Variants in KCNB2 observed in about 807,000 individuals in gnomAD.
The protein encoded by KCNB2 is potassium voltage-gated channel subfamily B member 2.
Under a neutral mutation model 61.5 loss-of-function variants are expected in KCNB2, and 15 were observed. The ratio of observed to expected loss-of-function variants is 0.24; its 90% CI spans 0.16 to 0.38. The LOEUF is 0.38. Ranked by LOEUF, KCNB2 falls within the 10% of genes least tolerant of loss-of-function variation. The probability of loss-of-function intolerance (pLI) is 1.00; values close to 1 mark genes in which losing one functional copy is unlikely to be tolerated. For missense variants in KCNB2, 828 were observed against 1,125.2 expected (o/e 0.74, Z 3.78); for synonymous variants, 457 against 446.0 (o/e 1.02, Z -0.31).
intron 2 of KCNB2, among the ~76,000 whole-genome samples, chr8:72,591,140 T>C (rs1807092565): frequency 6.6e-6 from 1 of 152,174 alleles, no homozygotes; most frequent in Non-Finnish European, 1.5e-5. Flanking sequence ...TGAAAATCTC[T>C]TGTAACTGTA....
intron 2 of KCNB2, among the ~76,000 whole-genome samples, chr8:72,868,605 A>G (rs1332228996): frequency 6.6e-6 from 1 of 151,896 alleles, no homozygotes; most frequent in East Asian, 1.9e-4. Context: ...AAAAACCCCA[A>G]AACAAACCAA....
intron 1 of KCNB2, among the ~76,000 whole-genome samples, chr8:72,541,177 A>G (rs1261411745): frequency 1.3e-5 from 2 of 151,688 alleles, no homozygotes; most frequent in East Asian, 3.8e-4. Flanking sequence ...AAACAATAAA[A>G]ATAATAGTAA....
At chr8:72,639,460 A>G (rs1246459354) in intron 2 of KCNB2, among the ~76,000 whole-genome samples, 1 of 152,022 alleles carries the variant, frequency 6.6e-6, no homozygotes, top group East Asian at 1.9e-4. Context: ...AGACTTTTCT[A>G]CCTCTGGCTG....
chr8:72,575,338 A>T (rs1806779343), intron 2 of KCNB2, among the ~76,000 whole-genome samples: 1 of 145,988 alleles, frequency 6.8e-6, no homozygotes, highest in African/African-American at 2.5e-5. Context: ...CATACTATTG[A>T]TTAGCATTGT....
intron 2 of KCNB2, among the ~76,000 whole-genome samples, chr8:72,710,814 T>C (rs1807314223): frequency 6.6e-6 from 1 of 152,246 alleles, no homozygotes; most frequent in Non-Finnish European, 1.5e-5. Context: ...TTAAATTTCA[T>C]CTTAAAATGA....
rs770366064 is a variant in KCNB2 at position 72,937,757 on chromosome 8, G to A, written c.2402G>A (p.Arg801Lys). Residue 801 changes from arginine (R) to lysine (K), a missense_variant, in exon 3 of 3, where the codon AGG becomes AAG. Transcript: ENST00000523207. ...QKLFPFSSRE[R>K]RSFTEIDTGD... ...CTGTTCCCTTTCTCTTCAAGAGAGA[G>A]GAGGAGCTTCACTGAAATAGATACT... 1 of 1,613,970 alleles carries A rather than the reference G, an allele frequency of 6.2e-7. No individual in the cohort carries two copies. The highest frequency in any genetic ancestry group is 1.1e-5 in the South Asian group (1 of 91,082).
intron 1 of KCNB2, among the ~76,000 whole-genome samples, chr8:72,548,740 C>T (rs747799576): frequency 2.0e-5 from 3 of 151,970 alleles, no homozygotes; most frequent in Non-Finnish European, 2.9e-5. Context: ...AAGTTACTTA[C>T]GTATTTGCTT....
chr8:72,849,878 A>G (rs900637764), intron 2 of KCNB2, among the ~76,000 whole-genome samples: 4 of 152,122 alleles, frequency 2.6e-5, no homozygotes, highest in Non-Finnish European at 5.9e-5. Context: ...TCTAACAATT[A>G]TGTGCATCCA....
intron 2 of KCNB2, among the ~76,000 whole-genome samples, chr8:72,678,641 T>C (rs1024832253): frequency 3.3e-5 from 5 of 152,240 alleles, no homozygotes; most frequent in African/African-American, 1.2e-4. Context: ...GCCTAGTTAT[T>C]CTCTATCCTT....
intron 2 of KCNB2, among the ~76,000 whole-genome samples, chr8:72,621,625 G>A (rs983739132): frequency 1.3e-5 from 2 of 152,322 alleles, no homozygotes; most frequent in South Asian, 2.1e-4. Context: ...GGCATGCAGT[G>A]TGTGATAATC....
At chr8:72,672,205 G>A (rs376679096) in intron 2 of KCNB2, among the ~76,000 whole-genome samples, 1 of 152,296 alleles carries the variant, frequency 6.6e-6, no homozygotes, top group East Asian at 1.9e-4. Flanking sequence ...ATTCTGAAAA[G>A]TATATTTTGT....
chr8:72,707,495 A>G (rs1303943884), intron 2 of KCNB2, among the ~76,000 whole-genome samples: 1 of 152,136 alleles, frequency 6.6e-6, no homozygotes, highest in Non-Finnish European at 1.5e-5. Flanking sequence ...CAGAGCCTCA[A>G]ATGGAACAAA....
Position 72,567,779 on chromosome 8 carries a change from G to A in KCNB2, c.45G>A (p.Arg15=), listed in dbSNP as rs753741297. ...APPGLNRKTS[R]STLSLPPEPV... is the part of the protein sequence containing the mutation. ...CGGGCTTAAACAGGAAGACTTCAAG[G>A]TCGACACTTTCCCTTCCTCCAGAGC... Residue 15 remains arginine, a synonymous_variant, in exon 2 of 3, where the codon AGG becomes AGA. Coordinates refer to ENST00000523207, the MANE Select transcript of KCNB2 (RefSeq NM_004770.3). 4 of 1,607,250 alleles carry A rather than the reference G, an allele frequency of 2.5e-6. No homozygotes were observed. In the African/African-American group the frequency reaches 5.4e-5, roughly 22 times the overall value.
chr8:72,834,581 A>T (rs927874649), intron 2 of KCNB2, among the ~76,000 whole-genome samples: 2 of 152,086 alleles, frequency 1.3e-5, no homozygotes, highest in Admixed American at 6.6e-5. Context: ...TGAGCCACAA[A>T]CCTGAGCCAG....
chr8:72,762,716 A>G (rs565624821), intron 2 of KCNB2, among the ~76,000 whole-genome samples: 1 of 152,106 alleles, frequency 6.6e-6, no homozygotes, highest in Non-Finnish European at 1.5e-5. Context: ...GAAAGTGTTC[A>G]GTAAATGTTA....
intron 2 of KCNB2, among the ~76,000 whole-genome samples, chr8:72,761,456 T>A (rs1277258837): frequency 1.3e-5 from 2 of 152,324 alleles, no homozygotes; most frequent in East Asian, 3.9e-4. Flanking sequence ...TCTTTCTCTC[T>A]TGTACACACT....
chr8:72,667,050 GAT>G (rs141115554), intron 2 of KCNB2, among the ~76,000 whole-genome samples: 7 of 151,566 alleles, frequency 4.6e-5, no homozygotes, highest in Admixed American at 2.0e-4. Flanking sequence ...AGCAGAGAGA[GAT>G]AGAGAGAAAG....
intron 2 of KCNB2, among the ~76,000 whole-genome samples, chr8:72,792,169 G>A (rs1387284742): frequency 1.3e-5 from 2 of 152,204 alleles, no homozygotes; most frequent in Non-Finnish European, 2.9e-5. Context: ...GTAGGGCTCT[G>A]GGCCTGAGGT....
intron 2 of KCNB2, among the ~76,000 whole-genome samples, chr8:72,861,216 T>C (rs1805400853): frequency 6.6e-6 from 1 of 152,244 alleles, no homozygotes; most frequent in Non-Finnish European, 1.5e-5. Context: ...TCCTACACAT[T>C]TGCTAATGTC....
Sources: allele counts gnomAD v4.1 joint callset (sites outside exome capture counted in the v4.1 genomes callset), GRCh38; gene constraint gnomAD v4.1.1; transcripts MANE v1.5; gene names NCBI Gene and HGNC (gene_info 2026-07-23, HGNC 2026-07-21).